ATP9B: variants seen among roughly 807,000 people sequenced by gnomAD.
ATP9B encodes the protein ATPase phospholipid transporting 9B.
A neutral mutation model predicts 146.1 loss-of-function variants in ATP9B; 110 were observed. That is an observed-to-expected ratio of 0.75 (90% CI 0.65 to 0.88). The LOEUF is 0.88. Among genes scored for constraint, ATP9B ranks in the 40% least tolerant of loss-of-function variants. The pLI is 0.00. For missense variants in ATP9B, 1,499 were observed against 1,496.4 expected, an observed-to-expected ratio of 1.00 and a Z score of -0.03; for synonymous variants, 604 against 569.7, an observed-to-expected ratio of 1.06 and a Z score of -0.86.
intron 11 of ATP9B, among the ~76,000 whole-genome samples, chr18:79,251,805 A>G (rs2096026664): frequency 6.6e-6 from 1 of 152,224 alleles, no homozygotes; most frequent in South Asian, 2.1e-4. Flanking sequence ...AGTAATTCTC[A>G]AACTTTATTT....
In ATP9B at chr18:79,274,168, GA is replaced by G. The variant is rs542004667; in HGVS notation, c.1269-2885del. On this transcript the variant is annotated intron_variant, in intron 12 of 29. Coordinates refer to ENST00000426216, the MANE Select transcript of ATP9B (RefSeq NM_198531.5). ...CAAAATACTAGGTTTAATATATATT[GA>G]GGGGGGGTGACATATTATGTTACAG... 1.3e-4 allele frequency among the ~76,000 whole-genome samples: 20 copies of G among 152,232 alleles called. No homozygotes were observed. The South Asian group carries it at 2.1e-3, about 16-fold the overall frequency.
chr18:79,376,207 AC>A lies in ATP9B; in HGVS notation c.3307+782del, dbSNP rs1568876035. ...CACACACACACACACACACACACAC[AC>A]ACACACAAAACAAAACAAAAAAATG... On this transcript the variant is annotated intron_variant, in intron 29 of 29. Coordinates refer to ENST00000426216, the MANE Select transcript of ATP9B (RefSeq NM_198531.5). 1.4e-3 allele frequency: 1,359 copies of A among 969,090 alleles called. 1 individual carries two copies. The highest frequency in any genetic ancestry group is 1.5e-3 in the Non-Finnish European group (1,253 of 821,810). 60.0% of individuals were successfully genotyped at this position (969,090 alleles called of 1,614,324 possible).
chr18:79,176,257 G>T (rs1283116787), intron 7 of ATP9B, among the ~76,000 whole-genome samples: 2 of 152,118 alleles, frequency 1.3e-5, no homozygotes, highest in African/African-American at 4.8e-5. Context: ...CTGAGAAGTG[G>T]GATGATAGCA....
chr18:79,304,390 A>T (rs1026970308), intron 14 of ATP9B, among the ~76,000 whole-genome samples: 2 of 152,154 alleles, frequency 1.3e-5, no homozygotes, highest in African/African-American at 4.8e-5. Context: ...GACCAGAAAT[A>T]TGTTGGATTC....
chr18:79,205,806 T>C (rs1294915950), intron 9 of ATP9B, among the ~76,000 whole-genome samples: 2 of 152,208 alleles, frequency 1.3e-5, no homozygotes, highest in African/African-American at 4.8e-5. Context: ...AAAGTGTAAA[T>C]GTAAAACTAG....
chr18:79,172,952 A>G (rs1360452697), intron 7 of ATP9B, among the ~76,000 whole-genome samples: 1 of 152,202 alleles, frequency 6.6e-6, no homozygotes, highest in African/African-American at 2.4e-5. Flanking sequence ...AAGACTGACA[A>G]ACTCTTTTCC....
chr18:79,079,002 T>C (rs1307065215), intron 1 of ATP9B, among the ~76,000 whole-genome samples: 3 of 152,232 alleles, frequency 2.0e-5, no homozygotes, highest in African/African-American at 7.2e-5. Flanking sequence ...CATCCTTTTT[T>C]ATGGCTGCAT....
chr18:79,202,219 C>G (rs914675857), intron 9 of ATP9B, among the ~76,000 whole-genome samples: 2 of 152,186 alleles, frequency 1.3e-5, no homozygotes, highest in Non-Finnish European at 2.9e-5. Flanking sequence ...ACCTAAATTA[C>G]TGATTGTATA....
intron 26 of ATP9B, chr18:79,361,570 CTT>C (rs2096989050): frequency 1.9e-5 from 3 of 157,820 alleles, no homozygotes; most frequent in African/African-American, 7.4e-5. Flanking sequence ...CTCTAAGCTT[CTT>C]TTCTTCAACA....
intron 7 of ATP9B, among the ~76,000 whole-genome samples, chr18:79,161,633 G>C (rs2094882227): frequency 6.6e-6 from 1 of 152,178 alleles, no homozygotes; most frequent in Non-Finnish European, 1.5e-5. Context: ...TGGATCACGA[G>C]GTCAGGAGAT....
intron 13 of ATP9B, among the ~76,000 whole-genome samples, chr18:79,293,560 G>T (rs1295544723): frequency 1.3e-5 from 2 of 152,160 alleles, no homozygotes; most frequent in Non-Finnish European, 2.9e-5. Context: ...TCTGCAGAGA[G>T]TCCCCACCAG....
intron 5 of ATP9B, among the ~76,000 whole-genome samples, chr18:79,127,358 G>A (rs1191294564): frequency 2.0e-5 from 3 of 152,008 alleles, no homozygotes; most frequent in Admixed American, 6.6e-5. Flanking sequence ...GGTCGTTCTT[G>A]CTGTTTCCCT....
intron 1 of ATP9B, among the ~76,000 whole-genome samples, chr18:79,069,774 C>T (rs1175478516): frequency 6.6e-6 from 1 of 152,244 alleles, no homozygotes; most frequent in Non-Finnish European, 1.5e-5. Context: ...GCGTAGGAGC[C>T]AGAACGGGAG....
chr18:79,184,993 A>C (rs200814566), intron 8 of ATP9B, among the ~76,000 whole-genome samples: 15 of 147,462 alleles, frequency 1.0e-4, no homozygotes, highest in Non-Finnish European at 1.3e-4. Context: ...AAAAAAAAAA[A>C]CCCAAAAAAT....
intron 10 of ATP9B, among the ~76,000 whole-genome samples, chr18:79,212,674 T>C (rs2095595218): frequency 6.6e-6 from 1 of 152,192 alleles, no homozygotes; most frequent in African/African-American, 2.4e-5. Flanking sequence ...TATGATCTCC[T>C]TTTGAAAGCT....
intron 11 of ATP9B, among the ~76,000 whole-genome samples, chr18:79,238,581 T>C (rs1361509931): frequency 6.6e-6 from 1 of 152,176 alleles, no homozygotes; most frequent in Non-Finnish European, 1.5e-5. Flanking sequence ...ATTCAGACCC[T>C]ACTCCAGCCC....
chr18:79,119,663 G>A (rs1465643676), intron 4 of ATP9B, among the ~76,000 whole-genome samples: 1 of 152,118 alleles, frequency 6.6e-6, no homozygotes, highest in East Asian at 1.9e-4. Flanking sequence ...GAGTTCTCTT[G>A]TGTCCTGAGT....
At chr18:79,238,648 A>G (rs756285155) in intron 11 of ATP9B, among the ~76,000 whole-genome samples, 5 of 152,106 alleles carry the variant, frequency 3.3e-5, no homozygotes, top group Non-Finnish European at 7.3e-5. Context: ...GCAGCTGTGG[A>G]CACAGCCTGT....
intron 12 of ATP9B, among the ~76,000 whole-genome samples, chr18:79,257,381 C>G (rs1414064298): frequency 6.6e-6 from 1 of 152,248 alleles, no homozygotes; most frequent in Non-Finnish European, 1.5e-5. Context: ...CCGGCCCCTG[C>G]TGACACAGAG....
Sources: gnomAD v4.1 joint callset for allele counts (sites outside exome capture counted in the v4.1 genomes callset) on GRCh38, gnomAD v4.1.1 for gene constraint, MANE v1.5 for transcripts, NCBI Gene and HGNC (gene_info 2026-07-23, HGNC 2026-07-21) for gene names.